Variants in CADPS2 observed in about 807,000 individuals in gnomAD.
The protein encoded by CADPS2 is calcium-dependent secretion activator 2.
In CADPS2, 93 loss-of-function variants were observed where a neutral mutation model predicts 172.5. The observed-to-expected ratio is 0.54, with a 90% CI of 0.46 to 0.64. The LOEUF (loss-of-function observed/expected upper bound fraction) is 0.64, where lower values mean the gene tolerates loss of function less well. Among genes scored for constraint, CADPS2 ranks in the 30% least tolerant of loss-of-function variants. The pLI is 0.00. For missense variants in CADPS2, 1,420 were observed against 1,565.9 expected (o/e 0.91, Z 1.57); for synonymous variants, 546 against 555.2 (o/e 0.98, Z 0.23).
intron 3 of CADPS2, 93 bp from the exon 4 acceptor site, chr7:122,629,421 A>G: frequency 2.7e-6 from 2 of 740,580 alleles, no homozygotes; most frequent in African/African-American, 1.8e-5. Flanking sequence ...TAAGGCAAAG[A>G]TTAAATGACT....
intron 1 of CADPS2, among the ~76,000 whole-genome samples, chr7:122,860,023 G>A (rs1191748660): frequency 6.6e-6 from 1 of 151,998 alleles, no homozygotes; most frequent in Non-Finnish European, 1.5e-5. Flanking sequence ...AGGATGATCA[G>A]AAAATTCATC....
intron 10 of CADPS2, 86 bp downstream of exon 10, chr7:122,491,226 G>A: frequency 2.5e-6 from 2 of 804,302 alleles, no homozygotes; most frequent in Non-Finnish European, 3.8e-6. Context: ...ATCGAGAGGG[G>A]TTTAAATTGT....
intron 7 of CADPS2, among the ~76,000 whole-genome samples, chr7:122,564,847 G>GCGCGCACA (rs1554626210): frequency 1.3e-4 from 19 of 145,520 alleles, no homozygotes; most frequent in African/African-American, 4.7e-4. Flanking sequence ...ACACACACAT[G>GCGCGCACA]CACACACACA....
rs182048299 is a variant in CADPS2, at chr7:122,465,872, A to G, written c.2186+5503T>C. ...ACCAGTATGAGAAAGTAAAATAACA[A>G]GCCAATTTTGTACGTCAACATAGAT... On this transcript the variant is annotated intron_variant, in intron 14 of 29. Transcript: ENST00000449022. Among the ~76,000 whole-genome samples the G allele has an allele frequency of 1.2e-4, 19 of 152,252 alleles. No individual in the cohort carries two copies. In the East Asian group the frequency reaches 3.7e-3, roughly 29 times the overall value.
chr7:122,542,070 C>T (rs1334072195), intron 8 of CADPS2, among the ~76,000 whole-genome samples: 1 of 151,646 alleles, frequency 6.6e-6, no homozygotes, highest in African/African-American at 2.4e-5. Context: ...AACAACGTGC[C>T]AGGCAATGTT....
At chr7:122,676,838 A>T in intron 2 of CADPS2, 1 of 538,806 alleles carries the variant, frequency 1.9e-6, no homozygotes, top group Non-Finnish European at 3.2e-6. Flanking sequence ...TGGTGACAGT[A>T]TTTTTTTTTT....
chr7:122,825,022 G>A (rs1323610513), intron 1 of CADPS2, among the ~76,000 whole-genome samples: 5 of 152,068 alleles, frequency 3.3e-5, no homozygotes, highest in African/African-American at 1.2e-4. Context: ...TTATCCAATA[G>A]CCAAAAACTA....
chr7:122,612,421 TAAG>T (rs1234864650), intron 6 of CADPS2, among the ~76,000 whole-genome samples: 2 of 151,506 alleles, frequency 1.3e-5, no homozygotes, highest in African/African-American at 2.4e-5. Flanking sequence ...AAGATAAAAT[TAAG>T]AAAACAATTC....
chr7:122,775,807 T>A (rs2093862771), intron 1 of CADPS2, among the ~76,000 whole-genome samples: 1 of 152,286 alleles, frequency 6.6e-6, no homozygotes, highest in South Asian at 2.1e-4. Context: ...ATTTTGAAAA[T>A]CTTTTCCTAA....
intron 2 of CADPS2, among the ~76,000 whole-genome samples, chr7:122,705,964 A>AATATATAATATATT (rs1402363297): frequency 6.3e-4 from 1 of 1,594 alleles, no homozygotes; most frequent in African/African-American, 8.2e-4. Flanking sequence ...ATATATATAT[A>AATATATAATATATT]ATATAATATA....
intron 14 of CADPS2, among the ~76,000 whole-genome samples, chr7:122,461,606 T>C (rs1452383442): frequency 6.6e-6 from 1 of 151,894 alleles, no homozygotes; most frequent in Admixed American, 6.6e-5. Flanking sequence ...TGTTTTGTTT[T>C]GTTTTTTAAG....
At chr7:122,728,136 C>T (rs1437649951) in intron 2 of CADPS2, among the ~76,000 whole-genome samples, 1 of 151,840 alleles carries the variant, frequency 6.6e-6, no homozygotes, top group Non-Finnish European at 1.5e-5. Flanking sequence ...GTAAATTTTT[C>T]TATTCCAAAG....
chr7:122,850,489 AG>A (rs1813266450), intron 1 of CADPS2: 1 of 225,232 alleles, frequency 4.4e-6, no homozygotes, highest in Non-Finnish European at 8.8e-6. Flanking sequence ...TCCTTGTGGC[AG>A]GGGGGCGGGG....
Position 122,460,807 on chromosome 7 carries a change from A to G in CADPS2, c.2187-9332T>C, listed in dbSNP as rs1484181066. ...CTCAAAAAGAATCAAACAGAATAAC[A>G]GAATTTCCAGGACTAAATAATTTGT... is the stretch of plus-strand genomic sequence containing the variant. On this transcript the variant is annotated intron_variant, in intron 14 of 29. Coordinates refer to ENST00000449022, the MANE Select transcript of CADPS2 (RefSeq NM_017954.11). Among the ~76,000 whole-genome samples, 6 of 152,360 alleles carry G rather than the reference A, an allele frequency of 3.9e-5. No homozygotes were observed. In the East Asian group the frequency reaches 1.2e-3, roughly 29 times the overall value.
chr7:122,691,515 G>A (rs1047118471), intron 2 of CADPS2, among the ~76,000 whole-genome samples: 2 of 152,204 alleles, frequency 1.3e-5, no homozygotes, highest in Non-Finnish European at 2.9e-5. Flanking sequence ...GGCTGTGTAA[G>A]CCTCACCATG....
chr7:122,559,129 C>T lies in CADPS2; in HGVS notation c.1336-4440G>A, dbSNP rs73717683. Among the ~76,000 whole-genome samples, 1,185 of 152,216 alleles carry T rather than the reference C, an allele frequency of 7.8e-3. 15 individuals are homozygous for T. Among genetic ancestry groups the T allele is most frequent in the African/African-American group, 0.028 (1,145 of 41,550 alleles). On this transcript the variant is annotated intron_variant, in intron 7 of 29. Coordinates refer to ENST00000449022, the MANE Select transcript of CADPS2 (RefSeq NM_017954.11). ...TGCATTCAGCAATTCTTGAAAAAAT[C>T]ATGACAGCTTTCATAGAGGAATTAC...
intron 7 of CADPS2, among the ~76,000 whole-genome samples, chr7:122,573,053 G>T (rs1470449772): frequency 6.6e-6 from 1 of 152,128 alleles, no homozygotes. Flanking sequence ...TACAGGTTAT[G>T]ATATTTTTCT....
rs576197048 is a variant in CADPS2 at position 122,692,429 on chromosome 7, C to A, written c.454-28860G>T. ...AATTCCTGCAGCACAGTTACAAACG[C>A]CCATGTGACTCTGCCAGCGAAGGTA... On this transcript the variant is annotated intron_variant, in intron 2 of 29. Coordinates refer to ENST00000449022, the MANE Select transcript of CADPS2 (RefSeq NM_017954.11). Among the ~76,000 whole-genome samples, 3 of 152,300 alleles carry A rather than the reference C, an allele frequency of 2.0e-5. No individual in the cohort carries two copies. In the East Asian group the frequency reaches 5.8e-4, roughly 30 times the overall value.
chr7:122,420,525 T>C (rs888325553), intron 17 of CADPS2, among the ~76,000 whole-genome samples: 2 of 152,242 alleles, frequency 1.3e-5, no homozygotes, highest in Admixed American at 1.3e-4. Flanking sequence ...CCAAGAAGTT[T>C]AATGCATTCT....
Sources: allele counts gnomAD v4.1 joint callset (sites outside exome capture counted in the v4.1 genomes callset), GRCh38; gene constraint gnomAD v4.1.1; transcripts MANE v1.5; gene names NCBI Gene and HGNC (gene_info 2026-07-23, HGNC 2026-07-21).